PTPN4: variants seen among roughly 807,000 people sequenced by gnomAD.
PTPN4 encodes the protein protein tyrosine phosphatase non-receptor type 4, also known as tyrosine-protein phosphatase non-receptor type 4.
A neutral mutation model predicts 135.5 loss-of-function variants in PTPN4; 49 were observed. The observed-to-expected ratio is 0.36, with a 90% CI of 0.29 to 0.46. The LOEUF (loss-of-function observed/expected upper bound fraction) is 0.46, where lower values mean the gene tolerates loss of function less well. PTPN4 is among the 20% of genes least tolerant of loss of function. The pLI, the probability that PTPN4 is intolerant of heterozygous loss-of-function variation, is 1.00. For synonymous variants in PTPN4, 333 were observed against 369.9 expected, an observed-to-expected ratio of 0.90 and a Z score of 1.14; for missense variants, 860 against 1,101.0, an observed-to-expected ratio of 0.78 and a Z score of 3.10.
chr2:119,941,171 G>GACAT (rs1679057119), intron 15 of PTPN4, among the ~76,000 whole-genome samples: 1 of 152,080 alleles, frequency 6.6e-6, no homozygotes, highest in Non-Finnish European at 1.5e-5. Flanking sequence ...TATTTTTAAT[G>GACAT]TATCATTTCT....
chr2:119,983,926 T>TA lies in PTPN4; in HGVS notation c.*6857dup, dbSNP rs1288251591. ...CTTAGAAATCCATTTGTTTTCAGTGTAGTACCTAGGGTGAAGTAGATGCTG... is the reference window on the plus strand; with the variant it reads ...CTTAGAAATCCATTTGTTTTCAGTGTAAGTACCTAGGGTGAAGTAGATGCTG... On this transcript the variant is annotated 3_prime_UTR_variant, in exon 27 of 27. Coordinates refer to ENST00000263708, the MANE Select transcript of PTPN4 (RefSeq NM_002830.4). The TA allele has an allele frequency of 2.0e-5, 3 of 152,164 alleles. No individual in the cohort carries two copies. The East Asian group carries it at 5.8e-4, about 29-fold the overall frequency. The allele number at this position is 152,164 out of a possible 1,614,324, so 9.4% of individuals were successfully genotyped here.
chr2:119,822,758 A>G (rs958876977), intron 2 of PTPN4, among the ~76,000 whole-genome samples: 2 of 151,826 alleles, frequency 1.3e-5, no homozygotes, highest in Admixed American at 1.3e-4. Context: ...CCCTCAAATT[A>G]GTGGGCTTTC....
intron 26 of PTPN4, among the ~76,000 whole-genome samples, chr2:119,976,686 G>A (rs1679622686): frequency 6.6e-6 from 1 of 152,166 alleles, no homozygotes; most frequent in South Asian, 2.1e-4. Context: ...TGGGATTGCT[G>A]GGTGAAGAGG....
chr2:119,973,655 G>GTTTTTTTTTTTGTT (rs1679569142), intron 26 of PTPN4, among the ~76,000 whole-genome samples: 1 of 38,394 alleles, frequency 2.6e-5, no homozygotes, highest in African/African-American at 1.3e-4. Context: ...TTCATTTCTT[G>GTTTTTTTTTTTGTT]TTTTTTTTTT....
chr2:119,798,143 A>G (rs547889311), intron 1 of PTPN4, among the ~76,000 whole-genome samples: 1 of 151,888 alleles, frequency 6.6e-6, no homozygotes, highest in South Asian at 2.1e-4. Context: ...CTGTTTATAC[A>G]TATATACCAA....
Position 119,859,652 on chromosome 2 carries a change from A to G in PTPN4, c.139-2884A>G, listed in dbSNP as rs1405221519. On this transcript the variant is annotated intron_variant, in intron 2 of 26. Coordinates refer to ENST00000263708, the MANE Select transcript of PTPN4 (RefSeq NM_002830.4). Reference sequence around the variant, plus strand: ...ACCAACTCAATAGGGGAAGCCGAACACCTCCTGCTACCAATAAGCCTAAGT... The same window carrying G: ...ACCAACTCAATAGGGGAAGCCGAACGCCTCCTGCTACCAATAAGCCTAAGT... Among the ~76,000 whole-genome samples the G allele has an allele frequency of 4.6e-5, 7 of 152,054 alleles. No homozygotes were observed. In the South Asian group the frequency reaches 1.4e-3, roughly 31 times the overall value.
intron 10 of PTPN4, among the ~76,000 whole-genome samples, chr2:119,901,502 G>A (rs1375997253): frequency 6.6e-6 from 1 of 152,118 alleles, no homozygotes; most frequent in African/African-American, 2.4e-5. Flanking sequence ...GCCTTGCCAG[G>A]TCTACATAAA....
chr2:119,954,453 C>T (rs1679251430), intron 19 of PTPN4, among the ~76,000 whole-genome samples: 1 of 152,192 alleles, frequency 6.6e-6, no homozygotes, highest in Non-Finnish European at 1.5e-5. Flanking sequence ...CATCCGTTCT[C>T]TCAAGGTGGG....
At chr2:119,833,881 G>A (rs1677253642) in intron 2 of PTPN4, among the ~76,000 whole-genome samples, 1 of 152,118 alleles carries the variant, frequency 6.6e-6, no homozygotes, top group African/African-American at 2.4e-5. Context: ...CAGAAATGTT[G>A]CTATCCAGAC....
chr2:119,875,726 T>C (rs559515509), intron 3 of PTPN4, among the ~76,000 whole-genome samples: 3 of 152,280 alleles, frequency 2.0e-5, no homozygotes, highest in South Asian at 2.1e-4. Context: ...TACAGGTGTG[T>C]GCCACTGCTT....
chr2:119,801,067 C>A (rs1691353899), intron 1 of PTPN4, among the ~76,000 whole-genome samples: 1 of 151,768 alleles, frequency 6.6e-6, no homozygotes, highest in South Asian at 2.1e-4. Flanking sequence ...ACAATGATTC[C>A]TTTGCCTTTC....
intron 2 of PTPN4, among the ~76,000 whole-genome samples, chr2:119,845,942 A>AC (rs1257982640): frequency 6.6e-6 from 1 of 151,830 alleles, no homozygotes; most frequent in Non-Finnish European, 1.5e-5. Flanking sequence ...TTCTTCTTTG[A>AC]CCCCTTGGTT....
chr2:119,770,940 C>T (rs926256749), intron 1 of PTPN4, among the ~76,000 whole-genome samples: 4 of 148,640 alleles, frequency 2.7e-5, no homozygotes, highest in Non-Finnish European at 4.4e-5. Context: ...AGTGCAGTGG[C>T]GCAGTCTCTG....
intron 1 of PTPN4, among the ~76,000 whole-genome samples, chr2:119,792,428 G>T (rs1691166631): frequency 6.6e-6 from 1 of 152,124 alleles, no homozygotes; most frequent in Non-Finnish European, 1.5e-5. Context: ...CACACAACTG[G>T]TTATCACTGT....
intron 1 of PTPN4, among the ~76,000 whole-genome samples, chr2:119,799,124 T>C (rs1691317427): frequency 6.6e-6 from 1 of 152,204 alleles, no homozygotes; most frequent in Non-Finnish European, 1.5e-5. Flanking sequence ...TTGAATGTTA[T>C]TTTTCGGCTT....
chr2:119,773,223 A>G (rs1442790333), intron 1 of PTPN4, among the ~76,000 whole-genome samples: 1 of 152,002 alleles, frequency 6.6e-6, no homozygotes, highest in Non-Finnish European at 1.5e-5. Flanking sequence ...TTTTCTGTTC[A>G]TTCTAAGTTT....
chr2:119,862,183 T>C (rs1202632973), intron 2 of PTPN4, among the ~76,000 whole-genome samples: 1 of 152,228 alleles, frequency 6.6e-6, no homozygotes, highest in Non-Finnish European at 1.5e-5. Flanking sequence ...TTCTTTGTAT[T>C]TTCATATTTA....
chr2:119,926,779 A>G (rs1678831129), intron 13 of PTPN4, 113 bp downstream of exon 13: 1 of 737,804 alleles, frequency 1.4e-6, no homozygotes, highest in African/African-American at 1.8e-5. Context: ...CAAATTTTTG[A>G]TTACAGAATT....
At chr2:119,799,308 C>T (rs1158651204) in intron 1 of PTPN4, among the ~76,000 whole-genome samples, 1 of 152,160 alleles carries the variant, frequency 6.6e-6, no homozygotes, top group Non-Finnish European at 1.5e-5. Flanking sequence ...ATGACTGCTT[C>T]TTAGTATTGG....
Sources: allele counts gnomAD v4.1 joint callset (sites outside exome capture counted in the v4.1 genomes callset), GRCh38; gene constraint gnomAD v4.1.1; transcripts MANE v1.5; gene names NCBI Gene and HGNC (gene_info 2026-07-23, HGNC 2026-07-21).